Variants in THSD4 observed in about 807,000 individuals in gnomAD.
THSD4 encodes thrombospondin type 1 domain containing 4, also known as thrombospondin type-1 domain-containing protein 4.
THSD4 carries 69 observed loss-of-function variants against 119.0 expected under a neutral mutation model. That is an observed-to-expected ratio of 0.58 (90% confidence interval 0.48 to 0.71). THSD4 has a LOEUF of 0.71. THSD4 is among the 30% of genes least tolerant of loss of function. The pLI is 0.00. For missense variants in THSD4, 1,393 were observed against 1,391.1 expected (o/e 1.00, Z -0.02); for synonymous variants, 524 against 540.4 (o/e 0.97, Z 0.42).
At chr15:71,535,999 A>C (rs1264454190) in intron 7 of THSD4, among the ~76,000 whole-genome samples, 1 of 152,154 alleles carries the variant, frequency 6.6e-6, no homozygotes, top group Non-Finnish European at 1.5e-5. Context: ...TAAAACCATC[A>C]CCTAACCCAA....
At chr15:71,575,935 G>A (rs1010890760) in intron 7 of THSD4, among the ~76,000 whole-genome samples, 4 of 152,184 alleles carry the variant, frequency 2.6e-5, no homozygotes, top group Admixed American at 2.0e-4. Context: ...CGTTTGCACT[G>A]GCCCTGAGGA....
intron 11 of THSD4, among the ~76,000 whole-genome samples, chr15:71,740,512 G>A (rs1274740901): frequency 6.6e-6 from 1 of 152,150 alleles, no homozygotes; most frequent in African/African-American, 2.4e-5. Context: ...CTTTCACCCT[G>A]TCCGGAGCCC....
chr15:71,753,044 A>G lies in THSD4; in HGVS notation c.2415+4450A>G, dbSNP rs73432436. On this transcript the variant is annotated intron_variant, in intron 14 of 17. Transcript: ENST00000261862. Reference sequence around the variant, plus strand: ...AGCTCAAGAGGGAGAGACCAAAGAAAATTAAAGTTCGCAAACACTTAAGAG... The same window carrying G: ...AGCTCAAGAGGGAGAGACCAAAGAAGATTAAAGTTCGCAAACACTTAAGAG... Among the ~76,000 whole-genome samples the G allele has an allele frequency of 3.1e-3, 465 of 152,330 alleles. 5 individuals carry two copies. Among genetic ancestry groups the G allele is most frequent in the African/African-American group, 0.011 (438 of 41,564 alleles).
chr15:71,205,517 C>A (rs1355189868), intron 3 of THSD4, among the ~76,000 whole-genome samples: 12 of 152,128 alleles, frequency 7.9e-5, no homozygotes, highest in Non-Finnish European at 4.4e-5. Context: ...TTTCCCTGGG[C>A]CTCTACCCAC....
intron 7 of THSD4, among the ~76,000 whole-genome samples, chr15:71,594,211 CT>C (rs553999282): frequency 2.6e-3 from 373 of 142,396 alleles, no homozygotes; most frequent in Middle Eastern, 7.2e-3. Context: ...TGGATGAATC[CT>C]TTTTTTTTTT....
intron 7 of THSD4, among the ~76,000 whole-genome samples, chr15:71,643,555 TGTG>T (rs1346129241): frequency 2.0e-5 from 3 of 152,176 alleles, no homozygotes; most frequent in Admixed American, 2.0e-4. Context: ...AGTGAGAACA[TGTG>T]GTGTTTGGTT....
At chr15:71,128,164 T>C (rs1263879129) in intron 1 of THSD4, among the ~76,000 whole-genome samples, 1 of 151,516 alleles carries the variant, frequency 6.6e-6, no homozygotes, top group Non-Finnish European at 1.5e-5. Context: ...GATTGGAAGA[T>C]GTAACGATAG....
chr15:71,232,184 A>G (rs2044066775), intron 4 of THSD4, among the ~76,000 whole-genome samples: 1 of 151,816 alleles, frequency 6.6e-6, no homozygotes, highest in South Asian at 2.1e-4. Context: ...TGCTGATCTA[A>G]TTTTCCTAGC....
intron 1 of THSD4, among the ~76,000 whole-genome samples, chr15:71,100,184 G>T (rs1461287056): frequency 1.3e-5 from 2 of 152,176 alleles, no homozygotes; most frequent in African/African-American, 4.8e-5. Context: ...CCTTAAGTAT[G>T]AACAGGTTTG....
intron 8 of THSD4, among the ~76,000 whole-genome samples, chr15:71,663,367 A>G (rs904195460): frequency 6.6e-6 from 1 of 152,228 alleles, no homozygotes; most frequent in Admixed American, 6.5e-5. Context: ...CCATGAAAAT[A>G]TTACATAAGG....
chr15:71,459,531 G>A (rs1022319391), intron 7 of THSD4, among the ~76,000 whole-genome samples: 15 of 152,078 alleles, frequency 9.9e-5, no homozygotes, highest in African/African-American at 3.6e-4. Context: ...TATTTCTTCT[G>A]CAAGTTTTCT....
intron 8 of THSD4, among the ~76,000 whole-genome samples, chr15:71,693,025 C>G (rs1171030001): frequency 6.6e-6 from 1 of 151,896 alleles, no homozygotes; most frequent in African/African-American, 2.4e-5. Flanking sequence ...ATAAAAAGGT[C>G]TCAAATTTCT....
At chr15:71,748,395 C>T (rs200832470) in intron 13 of THSD4, 26 bp from the exon 14 acceptor site, 2 of 1,612,546 alleles carry the variant, frequency 1.2e-6, no homozygotes, top group South Asian at 1.1e-5. Context: ...TGCTGGTTCC[C>T]CTGACGTCAG....
chr15:71,662,289 G>T (rs1381116826), intron 8 of THSD4, among the ~76,000 whole-genome samples: 2 of 152,016 alleles, frequency 1.3e-5, no homozygotes, highest in Non-Finnish European at 2.9e-5. Context: ...AGGGATGGCA[G>T]ATGGGACTCA....
In THSD4 at chr15:71,256,686, G is replaced by C. The variant is rs200521592; in HGVS notation, c.986G>C (p.Arg329Pro). Residue 329 changes from arginine (R) to proline (P), a missense_variant, in exon 6 of 18, where the codon CGG becomes CCG. Transcript: ENST00000261862. ...ASYNNKPFMGRFYEWEPFAEV... is the reference protein window; with the variant it reads ...ASYNNKPFMGPFYEWEPFAEV... ...TACAACAACAAGCCATTCATGGGCC[G>C]GTTTTATGAGTGGGAACCATTTGCA... The C allele has an allele frequency of 6.2e-7, 1 of 1,613,828 alleles. No homozygotes were observed. Among genetic ancestry groups the C allele is most frequent in the South Asian group, 1.1e-5 (1 of 91,068 alleles).
chr15:71,217,181 T>C (rs1160754530), intron 4 of THSD4, among the ~76,000 whole-genome samples: 3 of 152,190 alleles, frequency 2.0e-5, no homozygotes, highest in Non-Finnish European at 4.4e-5. Flanking sequence ...TTCAGACATA[T>C]TTCACATGTT....
intron 6 of THSD4, among the ~76,000 whole-genome samples, chr15:71,358,048 C>T (rs573321399): frequency 5.1e-4 from 77 of 152,284 alleles, no homozygotes; most frequent in Admixed American, 8.5e-4. Flanking sequence ...TGGGAAGGGG[C>T]GGCCAGATCC....
chr15:71,490,036 C>T (rs1236460838), intron 7 of THSD4, among the ~76,000 whole-genome samples: 2 of 151,522 alleles, frequency 1.3e-5, no homozygotes. Context: ...TTTTTTTTTC[C>T]ACATGAGCAT....
chr15:71,616,277 A>G (rs559064663), intron 7 of THSD4, among the ~76,000 whole-genome samples: 57 of 152,318 alleles, frequency 3.7e-4, no homozygotes, highest in African/African-American at 1.2e-3. Flanking sequence ...AGTATGAAAA[A>G]AGGTTTAAAA....
Sources: gnomAD v4.1 joint callset for allele counts (sites outside exome capture counted in the v4.1 genomes callset) on GRCh38, gnomAD v4.1.1 for gene constraint, MANE v1.5 for transcripts, NCBI Gene and HGNC (gene_info 2026-07-23, HGNC 2026-07-21) for gene names.